The following RBM19 variants were observed in gnomAD, a reference collection of about 807,000 sequenced individuals.
The protein encoded by RBM19 is RNA binding motif protein 19.
In RBM19, 94 loss-of-function variants were observed where a neutral mutation model predicts 116.8. The observed-to-expected ratio is 0.80, with a 90% CI of 0.68 to 0.95. The LOEUF (loss-of-function observed/expected upper bound fraction) is 0.95, where lower values mean the gene tolerates loss of function less well. RBM19 is among the 40% of genes least tolerant of loss of function. The probability of loss-of-function intolerance (pLI) is 0.00; values close to 1 mark genes in which losing one functional copy is unlikely to be tolerated. For missense variants in RBM19, 1,161 were observed against 1,220.7 expected, an observed-to-expected ratio of 0.95 and a Z score of 0.73; for synonymous variants, 475 against 494.1, an observed-to-expected ratio of 0.96 and a Z score of 0.51.
chr12:113,907,493 C>T (rs1313386800), intron 21 of RBM19, among the ~76,000 whole-genome samples: 1 of 152,206 alleles, frequency 6.6e-6, no homozygotes, highest in East Asian at 1.9e-4. Flanking sequence ...CGCATTCATT[C>T]CGTCCTTTCA....
intron 23 of RBM19, among the ~76,000 whole-genome samples, chr12:113,826,511 C>T (rs1048636428): frequency 6.6e-6 from 1 of 152,206 alleles, no homozygotes; most frequent in African/African-American, 2.4e-5. Context: ...TCAGAGCCTT[C>T]ATCCATGCTC....
rs565500624 is a variant in RBM19 at position 113,855,263 on chromosome 12, G to C, written c.2664+3528C>G. Among the ~76,000 whole-genome samples the C allele has an allele frequency of 4.0e-5, 6 of 150,976 alleles. No homozygotes were observed. The East Asian group carries it at 1.2e-3, about 30-fold the overall frequency. On this transcript the variant is annotated intron_variant, in intron 22 of 23. Coordinates refer to ENST00000261741, the MANE Select transcript of RBM19 (RefSeq NM_016196.4). ...GCAGGCAAACGGACTGGTGGATGAT[G>C]GGGAAAGAACACTGTTCTGGGAGTT...
At chr12:113,862,038 A>G (rs1486983740) in intron 21 of RBM19, among the ~76,000 whole-genome samples, 1 of 152,234 alleles carries the variant, frequency 6.6e-6, no homozygotes, top group African/African-American at 2.4e-5. Flanking sequence ...AGAACAGGAC[A>G]TGAGAGAACT....
At chr12:113,839,771 G>A (rs937238960) in intron 23 of RBM19, among the ~76,000 whole-genome samples, 3 of 152,186 alleles carry the variant, frequency 2.0e-5, no homozygotes, top group African/African-American at 7.2e-5. Context: ...TCTTTCAAAT[G>A]AGAAAACAGA....
rs1335576434 is a variant in RBM19 at position 113,898,820 on chromosome 12, TTTAG to T, written c.2558+16145_2558+16148del. 2.0e-5 allele frequency among the ~76,000 whole-genome samples: 3 copies of T among 152,260 alleles called. No individual in the cohort carries two copies. Among genetic ancestry groups the T allele is most frequent in the Non-Finnish European group, 4.4e-5 (3 of 68,052 alleles). ...TAATATTAAAAACCCACATTCTGAA[TTTAG>T]TTTCTGCAAAACGACATCATCCATC... On this transcript the variant is annotated intron_variant, in intron 21 of 23. Transcript: ENST00000261741. The surrounding 1 kb of genome is among the most constrained non-coding windows in gnomAD (Gnocchi z 4.3).
At chr12:113,884,297 A>AG (rs1367279602) in intron 21 of RBM19, among the ~76,000 whole-genome samples, 16 of 100,828 alleles carry the variant, frequency 1.6e-4, no homozygotes, top group African/African-American at 7.1e-4. Context: ...AAAAAAAAGT[A>AG]TACACACACA....
At chr12:113,904,660 G>A (rs1457865978) in intron 21 of RBM19, among the ~76,000 whole-genome samples, 1 of 152,158 alleles carries the variant, frequency 6.6e-6, no homozygotes, top group Non-Finnish European at 1.5e-5. Flanking sequence ...GATCCCAACA[G>A]GAATGCTCAC....
chr12:113,824,271 G>A (rs371317671), intron 23 of RBM19, among the ~76,000 whole-genome samples: 5 of 152,216 alleles, frequency 3.3e-5, no homozygotes, highest in African/African-American at 9.6e-5. Context: ...GCCAGGATTC[G>A]AACCCCAGTC....
chr12:113,920,807 T>C (rs1053146633), intron 18 of RBM19, 117 bp from the exon 19 acceptor site: 1 of 878,620 alleles, frequency 1.1e-6, no homozygotes, highest in Non-Finnish European at 1.8e-6. Context: ...TCATACCCCC[T>C]TCATTCCCCC....
intron 5 of RBM19, among the ~76,000 whole-genome samples, chr12:113,958,971 C>T (rs1379607285): frequency 6.6e-6 from 1 of 152,226 alleles, no homozygotes. Context: ...AACATGGTCC[C>T]AATGCCTGAA....
chr12:113,865,127 T>C (rs929697726), intron 21 of RBM19, among the ~76,000 whole-genome samples: 10 of 152,214 alleles, frequency 6.6e-5, no homozygotes, highest in African/African-American at 2.4e-4. Context: ...ATACTTTTCT[T>C]GCTCTCCAAT....
chr12:113,825,775 C>T lies in RBM19; in HGVS notation c.2786-2454G>A, dbSNP rs1276777148. On this transcript the variant is annotated intron_variant, in intron 23 of 23. Coordinates refer to ENST00000261741, the MANE Select transcript of RBM19 (RefSeq NM_016196.4). The surrounding 1 kb of genome is among the most constrained non-coding windows in gnomAD (Gnocchi z 5.7). Reference sequence around the variant, plus strand: ...TAGAGCTGGACTTGGGGTGCTTCTTCCCCATGCTCCTGCACCCCTGGGCCG... The same window carrying T: ...TAGAGCTGGACTTGGGGTGCTTCTTTCCCATGCTCCTGCACCCCTGGGCCG... Among the ~76,000 whole-genome samples the T allele has an allele frequency of 2.0e-5, 3 of 152,180 alleles. No individual in the cohort carries two copies. The highest frequency in any genetic ancestry group is 7.2e-5 in the African/African-American group (3 of 41,446).
At chr12:113,945,189 ACTAT>A (rs1383175960) in intron 13 of RBM19, among the ~76,000 whole-genome samples, 8 of 152,248 alleles carry the variant, frequency 5.3e-5, no homozygotes, top group Non-Finnish European at 2.9e-5. Flanking sequence ...TAAGCATTTC[ACTAT>A]CTATATGTCT....
At chr12:113,920,730 G>A (rs201685232) in intron 18 of RBM19, 40 bp from the exon 19 acceptor site, 194 of 1,571,552 alleles carry the variant, frequency 1.2e-4, no homozygotes, top group Admixed American at 2.5e-4. Flanking sequence ...TCGGTGAAGC[G>A]GAAGCACAAG....
intron 21 of RBM19, among the ~76,000 whole-genome samples, chr12:113,897,561 C>G (rs538193282): frequency 6.6e-6 from 1 of 151,694 alleles, no homozygotes; most frequent in South Asian, 2.1e-4. Flanking sequence ...CCTACAATCC[C>G]GGCTACTCGG....
In RBM19 at chr12:113,841,266, G is replaced by A. The variant is rs531572108; in HGVS notation, c.2785+3402C>T. On this transcript the variant is annotated intron_variant, in intron 23 of 23. Transcript: ENST00000261741. ...CAATTCTGAAGGGCCAGCAGTGTTTGTCATTATGATTTGTTATTCATTCTC... is the reference window on the plus strand; with the variant it reads ...CAATTCTGAAGGGCCAGCAGTGTTTATCATTATGATTTGTTATTCATTCTC... 3.9e-5 allele frequency among the ~76,000 whole-genome samples: 6 copies of A among 152,300 alleles called. No homozygotes were observed. In the East Asian group the frequency reaches 9.6e-4, roughly 24 times the overall value.
chr12:113,856,087 AG>A (rs1012896261), intron 22 of RBM19, among the ~76,000 whole-genome samples: 2 of 152,198 alleles, frequency 1.3e-5, no homozygotes, highest in African/African-American at 4.8e-5. Context: ...ACAGGGATGG[AG>A]GGGCCAGAAA....
chr12:113,922,106 T>A (rs1464208478), intron 18 of RBM19, among the ~76,000 whole-genome samples: 1 of 152,106 alleles, frequency 6.6e-6, no homozygotes, highest in Non-Finnish European at 1.5e-5. Context: ...CTCCTGCAGG[T>A]TATCTCGTGG....
intron 22 of RBM19, among the ~76,000 whole-genome samples, chr12:113,854,541 C>T (rs1317393681): frequency 6.6e-6 from 1 of 152,200 alleles, no homozygotes; most frequent in Non-Finnish European, 1.5e-5. Flanking sequence ...CGGATCATCA[C>T]ACCTGGAGGT....
Sources: allele counts gnomAD v4.1 joint callset (sites outside exome capture counted in the v4.1 genomes callset), GRCh38; gene constraint gnomAD v4.1.1; non-coding constraint Gnocchi (gnomAD v3.1); transcripts MANE v1.5; gene names NCBI Gene and HGNC (gene_info 2026-07-23, HGNC 2026-07-21).